Variants in LRRTM3 observed in about 807,000 individuals in gnomAD.
The protein encoded by LRRTM3 is leucine rich repeat transmembrane neuronal 3, also known as leucine-rich repeat transmembrane neuronal protein 3.
In LRRTM3, 24 loss-of-function variants were observed where a neutral mutation model predicts 44.7. That is an observed-to-expected ratio of 0.54 (90% CI 0.39 to 0.76). LRRTM3 has a LOEUF of 0.76. Among genes scored for constraint, LRRTM3 ranks in the 30% least tolerant of loss-of-function variants. The probability of loss-of-function intolerance (pLI) is 0.00; values close to 1 mark genes in which losing one functional copy is unlikely to be tolerated. For synonymous variants in LRRTM3, 277 were observed against 278.7 expected (o/e 0.99, Z 0.06); for missense variants, 587 against 702.2 (o/e 0.84, Z 1.85).
intron 2 of LRRTM3, among the ~76,000 whole-genome samples, chr10:67,084,503 C>G (rs1733632362): frequency 6.7e-6 from 1 of 149,388 alleles, no homozygotes; most frequent in African/African-American, 2.5e-5. Context: ...ATTTCATTCA[C>G]AGCAGAACAC....
chr10:67,034,773 A>G (rs1853940407), intron 2 of LRRTM3, among the ~76,000 whole-genome samples: 1 of 152,182 alleles, frequency 6.6e-6, no homozygotes. Flanking sequence ...GTAATATTAA[A>G]TACTGTTTAC....
intron 2 of LRRTM3, among the ~76,000 whole-genome samples, chr10:67,031,873 C>T (rs1302093125): frequency 2.6e-5 from 4 of 152,122 alleles, no homozygotes; most frequent in Admixed American, 6.5e-5. Flanking sequence ...TATTGGGCCA[C>T]AAAACATGCT....
intron 2 of LRRTM3, among the ~76,000 whole-genome samples, chr10:67,080,060 G>T (rs1856971403): frequency 6.6e-6 from 1 of 152,112 alleles, no homozygotes; most frequent in African/African-American, 2.4e-5. Flanking sequence ...AATTTAACCT[G>T]CCTCTTGCTG....
At chr10:67,039,163 T>A (rs1294465845) in intron 2 of LRRTM3, among the ~76,000 whole-genome samples, 1 of 152,092 alleles carries the variant, frequency 6.6e-6, no homozygotes, top group African/African-American at 2.4e-5. Flanking sequence ...GCTATACTGT[T>A]ACCATACTTA....
At chr10:67,065,442 T>C (rs1041182087) in intron 2 of LRRTM3, among the ~76,000 whole-genome samples, 2 of 152,160 alleles carry the variant, frequency 1.3e-5, no homozygotes, top group African/African-American at 4.8e-5. Context: ...ATTCTAATCT[T>C]GTGACAGAGA....
At chr10:66,995,272 C>T (rs1279748242) in intron 2 of LRRTM3, among the ~76,000 whole-genome samples, 1 of 152,158 alleles carries the variant, frequency 6.6e-6, no homozygotes, top group Non-Finnish European at 1.5e-5. Context: ...ACTGAAGACA[C>T]TTTTTCCTCT....
rs943221906 is a variant in LRRTM3 at position 66,930,492 on chromosome 10, AC to A, written c.1536+2041del. Among the ~76,000 whole-genome samples the A allele has an allele frequency of 1.7e-3, 256 of 152,300 alleles. 2 individuals carry two copies. Among genetic ancestry groups the A allele is most frequent in the African/African-American group, 5.6e-3 (234 of 41,572 alleles). ...TTTGGCTAGCCTCATTTTTATCTGT[AC>A]TAAAGATGTTTGTATTAATGAAATG... is the stretch of plus-strand genomic sequence containing the variant. On this transcript the variant is annotated intron_variant, in intron 2 of 2. Coordinates refer to ENST00000361320, the MANE Select transcript of LRRTM3 (RefSeq NM_178011.5).
At chr10:66,982,509 T>G (rs1373665796) in intron 2 of LRRTM3, among the ~76,000 whole-genome samples, 1 of 152,152 alleles carries the variant, frequency 6.6e-6, no homozygotes, top group Non-Finnish European at 1.5e-5. Flanking sequence ...GTTACTTCAA[T>G]TTTTGAAAGG....
intron 2 of LRRTM3, among the ~76,000 whole-genome samples, chr10:66,971,210 A>C (rs1849702467): frequency 6.6e-6 from 1 of 152,044 alleles, no homozygotes; most frequent in Admixed American, 6.5e-5. Context: ...GGCAGATCAC[A>C]AGGTCAGGAG....
At chr10:67,075,362 A>AAAAGAGTTACCCT (rs1856694224) in intron 2 of LRRTM3, among the ~76,000 whole-genome samples, 1 of 152,224 alleles carries the variant, frequency 6.6e-6, no homozygotes, top group Admixed American at 6.5e-5. Flanking sequence ...CACCATTAGG[A>AAAAGAGTTACCCT]AAAGAGTTAC....
intron 2 of LRRTM3, among the ~76,000 whole-genome samples, chr10:66,996,424 T>C (rs1466784773): frequency 6.6e-6 from 1 of 152,070 alleles, no homozygotes; most frequent in Non-Finnish European, 1.5e-5. Flanking sequence ...GACGGGCAGA[T>C]TGCCTGGGCT....
chr10:67,049,389 A>T (rs1304901585), intron 2 of LRRTM3, among the ~76,000 whole-genome samples: 1 of 152,214 alleles, frequency 6.6e-6, no homozygotes, highest in African/African-American at 2.4e-5. Flanking sequence ...TATGAACTAC[A>T]TACAAAATGT....
chr10:66,952,909 A>C (rs917634156), intron 2 of LRRTM3, among the ~76,000 whole-genome samples: 7 of 152,124 alleles, frequency 4.6e-5, no homozygotes, highest in African/African-American at 1.7e-4. Context: ...AAGCCAGCAC[A>C]GTAGTGTTAC....
intron 2 of LRRTM3, among the ~76,000 whole-genome samples, chr10:67,072,741 C>A (rs1187780640): frequency 6.6e-6 from 1 of 152,128 alleles, no homozygotes; most frequent in African/African-American, 2.4e-5. Context: ...CAGCTCATTT[C>A]TTTATCTTAG....
intron 2 of LRRTM3, among the ~76,000 whole-genome samples, chr10:66,985,181 G>T (rs757586135): frequency 1.3e-5 from 2 of 152,106 alleles, no homozygotes; most frequent in Admixed American, 6.6e-5. Flanking sequence ...TATCAGTCAT[G>T]GGTGAGTAAA....
chr10:66,927,766 A>C lies in LRRTM3; in HGVS notation c.850A>C (p.Asn284His). The C allele has an allele frequency of 1.9e-6, 3 of 1,614,200 alleles. No homozygotes were observed. Among genetic ancestry groups the C allele is most frequent in the Non-Finnish European group, 2.5e-6 (3 of 1,180,038 alleles). ...GTGTGTCCCGAATCTGCAGCGCCTC[A>C]ACCTGGATTCCAACAAGCTCACATT... ...FQCVPNLQRLNLDSNKLTFIG... is the reference protein window; with the variant it reads ...FQCVPNLQRLHLDSNKLTFIG... The change falls in exon 2 of 3, where the codon AAC becomes CAC. Residue 284 changes from asparagine (N) to histidine (H), a missense_variant. Physicochemically the swap from Asn to His is moderately conservative, Grantham distance 68 (BLOSUM62 1). Coordinates refer to ENST00000361320, the MANE Select transcript of LRRTM3 (RefSeq NM_178011.5). The surrounding 1 kb of genome is among the most constrained non-coding windows in gnomAD (Gnocchi z 4.7).
At chr10:66,936,903 T>C (rs1268883164) in intron 2 of LRRTM3, among the ~76,000 whole-genome samples, 1 of 152,084 alleles carries the variant, frequency 6.6e-6, no homozygotes, top group Non-Finnish European at 1.5e-5. Flanking sequence ...GAAAGTTATA[T>C]ATTAAGAGCA....
intron 2 of LRRTM3, among the ~76,000 whole-genome samples, chr10:67,040,732 T>C (rs1308599307): frequency 6.6e-6 from 1 of 152,050 alleles, no homozygotes; most frequent in Non-Finnish European, 1.5e-5. Context: ...TTAACCAAGA[T>C]GTCAGGAAAA....
intron 2 of LRRTM3, among the ~76,000 whole-genome samples, chr10:67,066,687 A>G (rs902360358): frequency 2.0e-5 from 3 of 152,154 alleles, no homozygotes; most frequent in Non-Finnish European, 2.9e-5. Context: ...TAATTGTTAA[A>G]CAAATATTAT....
Sources: allele counts gnomAD v4.1 joint callset (sites outside exome capture counted in the v4.1 genomes callset), GRCh38; gene constraint gnomAD v4.1.1; non-coding constraint Gnocchi (gnomAD v3.1); transcripts MANE v1.5; gene names NCBI Gene and HGNC (gene_info 2026-07-23, HGNC 2026-07-21).